Variants in SELENOP observed in about 807,000 individuals in gnomAD.
The protein encoded by SELENOP is selenoprotein P, plasma, 1.
A neutral mutation model predicts 41.0 loss-of-function variants in SELENOP; 36 were observed. The observed-to-expected ratio is 0.88, with a 90% confidence interval of 0.67 to 1.16. The LOEUF (loss-of-function observed/expected upper bound fraction) is 1.16, where lower values mean the gene tolerates loss of function less well. Among genes scored for constraint, SELENOP ranks in the 50% most tolerant of loss-of-function variants. The pLI is 0.00. For missense variants in SELENOP, 440 were observed against 454.2 expected, an observed-to-expected ratio of 0.97 and a Z score of 0.28; for synonymous variants, 144 against 150.8, an observed-to-expected ratio of 0.95 and a Z score of 0.33.
At position 42,801,346 on chromosome 5, in the gene SELENOP, T is replaced by A; in HGVS notation, c.535-15A>T. On this transcript the variant is annotated splice_polypyrimidine_tract_variant and intron_variant, in intron 4 of 4. Transcript: ENST00000514985. ...TCTTTGAGAGTCTGGAACAAATTTA[T>A]AAATCACTTTTTAACAAGCTTATAG... 1 of 1,573,044 alleles carries A rather than the reference T, an allele frequency of 6.4e-7. No homozygotes were observed. Among genetic ancestry groups the A allele is most frequent in the Non-Finnish European group, 8.6e-7 (1 of 1,160,006 alleles).
intron 1 of SELENOP, chr5:42,810,775 G>A (rs765617431): frequency 9.1e-7 from 1 of 1,101,028 alleles, no homozygotes; most frequent in South Asian, 2.3e-5. Flanking sequence ...CATATTGCAA[G>A]TAGCTGAATG....
At chr5:42,803,184 C>T (rs1283367806) in intron 4 of SELENOP, among the ~76,000 whole-genome samples, 5 of 152,092 alleles carry the variant, frequency 3.3e-5, no homozygotes, top group African/African-American at 4.8e-5. Context: ...TTTGTATTTA[C>T]AGATGATTCA....
chr5:42,800,341 G>C lies in SELENOP; in HGVS notation c.*379C>G, dbSNP rs1056946481. 6.1e-6 allele frequency: 1 copy of C among 164,364 alleles called. No homozygotes were observed. The highest frequency in any genetic ancestry group is 1.3e-5 in the Non-Finnish European group (1 of 76,546). The allele number at this position is 164,364 out of a possible 1,614,324, so 10.2% of individuals were successfully genotyped here. On this transcript the variant is annotated 3_prime_UTR_variant, in exon 5 of 5. Coordinates refer to ENST00000514985, the MANE Select transcript of SELENOP (RefSeq NM_005410.4). The stretch of plus-strand genomic sequence containing the variant: ...AAGACAAAGTAATATTGTTTTGAGA[G>C]ATAAGTAAAGAAAAAAATGGAAAGC...
chr5:42,808,874 C>T (rs764390620), intron 1 of SELENOP, among the ~76,000 whole-genome samples: 3 of 150,518 alleles, frequency 2.0e-5, no homozygotes, highest in African/African-American at 4.9e-5. Context: ...GAGCTGAGAT[C>T]GCGCCCCTGC....
intron 1 of SELENOP, among the ~76,000 whole-genome samples, chr5:42,810,475 T>A (rs1046103930): frequency 3.9e-5 from 6 of 152,242 alleles, no homozygotes; most frequent in East Asian, 1.9e-4. Context: ...TTATTTATTT[T>A]TTGAGACGGA....
intron 4 of SELENOP, among the ~76,000 whole-genome samples, chr5:42,803,803 G>A (rs1030002550): frequency 6.6e-6 from 1 of 152,096 alleles, no homozygotes; most frequent in Non-Finnish European, 1.5e-5. Context: ...TGGTTGTTAG[G>A]AAATAAATAC....
chr5:42,807,994 C>T, intron 2 of SELENOP, 157 bp downstream of exon 2: 2 of 398,330 alleles, frequency 5.0e-6, no homozygotes, highest in Non-Finnish European at 8.7e-6. Context: ...GTGTATCATC[C>T]TAGTTTCTCT....
Position 42,800,561 on chromosome 5 carries a change from T to C in SELENOP, c.*159A>G. 1 of 834,210 alleles carries C rather than the reference T, an allele frequency of 1.2e-6. No individual in the cohort carries two copies. The highest frequency in any genetic ancestry group is 1.8e-6 in the Non-Finnish European group (1 of 556,700). The allele number at this position is 834,210 out of a possible 1,614,324, so 51.7% of individuals were successfully genotyped here. ...AATATGGTTTGAGTCAATATTTCTA[T>C]GACATAAAATTTAAAATCTGGAAGC... On this transcript the variant is annotated 3_prime_UTR_variant, in exon 5 of 5. Transcript: ENST00000514985.
chr5:42,808,010 A>C, intron 2 of SELENOP, 141 bp downstream of exon 2: 1 of 413,150 alleles, frequency 2.4e-6, no homozygotes, highest in Non-Finnish European at 4.2e-6. Flanking sequence ...TCTCTCTTCT[A>C]ATATGTTCTA....
chr5:42,804,264 A>C (rs933674659), intron 4 of SELENOP, among the ~76,000 whole-genome samples: 8 of 152,194 alleles, frequency 5.3e-5, no homozygotes, highest in African/African-American at 1.7e-4. Flanking sequence ...GATCGAGACC[A>C]TCCTGGCTAA....
chr5:42,804,178 T>G (rs1376170593), intron 4 of SELENOP, among the ~76,000 whole-genome samples: 1 of 152,172 alleles, frequency 6.6e-6, no homozygotes, highest in East Asian at 1.9e-4. Flanking sequence ...AACTAGAGGT[T>G]AGGCCGGGCG....
chr5:42,811,611 A>C (rs1302354821), intron 1 of SELENOP, among the ~76,000 whole-genome samples: 1 of 152,248 alleles, frequency 6.6e-6, no homozygotes, highest in Admixed American at 6.5e-5. Flanking sequence ...GCTGTGCAGA[A>C]GACAGGGCAG....
At chr5:42,805,008 T>C (rs1467422765) in intron 3 of SELENOP, 1 of 290,338 alleles carries the variant, frequency 3.4e-6, no homozygotes, top group Non-Finnish European at 6.3e-6. Context: ...GTTATAGATA[T>C]GTCACTATAT....
intron 1 of SELENOP, among the ~76,000 whole-genome samples, chr5:42,809,255 G>A (rs1052394165): frequency 3.3e-5 from 5 of 152,172 alleles, no homozygotes; most frequent in African/African-American, 1.2e-4. Flanking sequence ...AAGTTCCTAT[G>A]ACTAGAAAAT....
intron 3 of SELENOP, chr5:42,805,030 TG>T (rs536062242): frequency 4.0e-4 from 96 of 238,586 alleles, no homozygotes; most frequent in Non-Finnish European, 6.9e-4. Flanking sequence ...ATATCAAAAA[TG>T]TCATCACTGT....
At chr5:42,804,833 A>G (rs1030557892) in intron 3 of SELENOP, 60 bp from the exon 4 acceptor site, 2 of 1,096,472 alleles carry the variant, frequency 1.8e-6, no homozygotes, top group African/African-American at 1.6e-5. Flanking sequence ...ATCCTACTCA[A>G]ATACAGTCTG....
chr5:42,804,803 A>G (rs772363304), intron 3 of SELENOP, 30 bp from the exon 4 acceptor site: 3 of 1,336,958 alleles, frequency 2.2e-6, no homozygotes, highest in African/African-American at 2.9e-5. Flanking sequence ...CAATGTCACT[A>G]TAATATTTTC....
chr5:42,807,084 C>T lies in SELENOP; in HGVS notation c.228G>A (p.Leu76=). Residue 76 remains leucine, a synonymous_variant, in exon 3 of 5, where the codon CTG becomes CTA. Transcript: ENST00000514985. ...AAATATTAGAATATCCTTCTTTCTTCAGTTTTACTCGCAGGTCTTCTAATC... is the reference window on the plus strand; with the variant it reads ...AAATATTAGAATATCCTTCTTTCTTTAGTTTTACTCGCAGGTCTTCTAATC... ...ASKLEDLRVK[L]KKEGYSNISY... is the part of the protein sequence containing the mutation. 1 of 1,509,840 alleles carries T rather than the reference C, an allele frequency of 6.6e-7. No homozygotes were observed. The highest frequency in any genetic ancestry group is 9.1e-7 in the Non-Finnish European group (1 of 1,094,632). The allele number at this position is 1,509,840 out of a possible 1,614,324, so 93.5% of individuals were successfully genotyped here. A position where few individuals can be genotyped will look rare whatever the true frequency, so the allele number is the denominator to read the frequency against.
At position 42,801,191 on chromosome 5, in the gene SELENOP, C is replaced by A. The variant is rs1486685768; in HGVS notation, c.675G>T (p.Glu225Asp). 6.2e-7 allele frequency: 1 copy of A among 1,614,122 alleles called. No homozygotes were observed. The highest frequency in any genetic ancestry group is 8.5e-7 in the Non-Finnish European group (1 of 1,180,026). ...HQHLGSSELS[E>D]NQQPGAPNAP... The stretch of plus-strand genomic sequence containing the variant: ...CATTTGGTGCTCCTGGTTGCTGATT[C>A]TCTGAAAGCTCACTGCTGCCAAGGT... Residue 225 changes from glutamate to aspartate, a missense_variant, in exon 5 of 5, where the codon GAG becomes GAT. Coordinates refer to ENST00000514985, the MANE Select transcript of SELENOP (RefSeq NM_005410.4).
Sources: gnomAD v4.1 joint callset for allele counts (sites outside exome capture counted in the v4.1 genomes callset) on GRCh38, gnomAD v4.1.1 for gene constraint, MANE v1.5 for transcripts, NCBI Gene and HGNC (gene_info 2026-07-23, HGNC 2026-07-21) for gene names.